GRM5: variants seen among roughly 807,000 people sequenced by gnomAD.
GRM5 encodes glutamate metabotropic receptor 5.
Under a neutral mutation model 83.1 loss-of-function variants are expected in GRM5, and 19 were observed. That is an observed-to-expected ratio of 0.23 (90% CI 0.16 to 0.34). The LOEUF is 0.34. Ranked by LOEUF, GRM5 falls within the 10% of genes least tolerant of loss-of-function variation. The pLI is 1.00. For synonymous variants in GRM5, 675 were observed against 633.6 expected, an observed-to-expected ratio of 1.07 and a Z score of -0.98; for missense variants, 1,160 against 1,588.3, an observed-to-expected ratio of 0.73 and a Z score of 4.58.
At position 89,040,015 on chromosome 11, in the gene GRM5, G is replaced by T. The variant is rs566478879; in HGVS notation, c.661+7197C>A. ...TGTAGAGATAGAGCCTTATTATGTT[G>T]CCCACCCTATGTCCAACATTTAATG... On this transcript the variant is annotated intron_variant, in intron 2 of 9. Transcript: ENST00000305447. Among the ~76,000 whole-genome samples the T allele has an allele frequency of 1.1e-3, 169 of 150,820 alleles. 1 individual carries two copies. Among genetic ancestry groups the T allele is most frequent in the African/African-American group, 4.0e-3 (163 of 41,110 alleles).
At position 88,677,380 on chromosome 11, in the gene GRM5, G is replaced by A. The variant is rs554346399; in HGVS notation, c.912-23977C>T. On this transcript the variant is annotated intron_variant, in intron 3 of 9. Coordinates refer to ENST00000305447, the MANE Select transcript of GRM5 (RefSeq NM_001143831.3). ...TTAGTTATTAGTTTAGGTAACCTTA[G>A]TCAAGCTGTTTAGCACTTAGATTTC... Among the ~76,000 whole-genome samples, 129 of 152,184 alleles carry A rather than the reference G, an allele frequency of 8.5e-4. 4 individuals are homozygous for A. In the East Asian group the frequency reaches 0.018, roughly 21 times the overall value.
intron 3 of GRM5, among the ~76,000 whole-genome samples, chr11:88,763,882 A>G (rs1942577515): frequency 6.6e-6 from 1 of 151,816 alleles, no homozygotes; most frequent in Non-Finnish European, 1.5e-5. Context: ...CTTATCATTT[A>G]TTGCCTTAAA....
At chr11:88,814,102 A>T (rs1309622582) in intron 3 of GRM5, among the ~76,000 whole-genome samples, 3 of 152,228 alleles carry the variant, frequency 2.0e-5, no homozygotes, top group Admixed American at 1.3e-4. Context: ...ATACCATCCT[A>T]TGTGAAACAA....
rs572269647 is a variant in GRM5 at position 88,728,254 on chromosome 11, C to T, written c.912-74851G>A. On this transcript the variant is annotated intron_variant, in intron 3 of 9. Coordinates refer to ENST00000305447, the MANE Select transcript of GRM5 (RefSeq NM_001143831.3). Reference sequence around the variant, plus strand: ...AGAGAATACTATAAACACCTCTACACAAATAAACTAGAAAATCTAGAAGAA... The same window carrying T: ...AGAGAATACTATAAACACCTCTACATAAATAAACTAGAAAATCTAGAAGAA... Among the ~76,000 whole-genome samples, 12 of 152,180 alleles carry T rather than the reference C, an allele frequency of 7.9e-5. No individual in the cohort carries two copies. The South Asian group carries it at 8.3e-4, about 11-fold the overall frequency.
chr11:89,016,881 T>C (rs1428979810), intron 2 of GRM5, among the ~76,000 whole-genome samples: 2 of 152,154 alleles, frequency 1.3e-5, no homozygotes, highest in Non-Finnish European at 2.9e-5. Flanking sequence ...AACTGGATAA[T>C]AGCCATCTGC....
At position 88,509,012 on chromosome 11, in the gene GRM5, G is replaced by A. The variant is rs200126528; in HGVS notation, c.3219C>T (p.Ser1073=). The change falls in exon 10 of 10, where the codon AGC becomes AGT. Residue 1073 remains serine (S), a synonymous_variant. Transcript: ENST00000305447. ...TGGACAGCATCATGGAGTTGAGCTC[G>A]CTGATGTTGGCCGTGAAGCGGGTGA... ...SVVTRFTANI[S]ELNSMMLSTA... 7.6e-6 allele frequency: 12 copies of A among 1,573,176 alleles called. No individual in the cohort carries two copies. Among genetic ancestry groups the A allele is most frequent in the Admixed American group, 1.9e-5 (1 of 53,672 alleles).
intron 3 of GRM5, among the ~76,000 whole-genome samples, chr11:88,767,946 T>C (rs1476274311): frequency 1.3e-5 from 2 of 151,866 alleles, no homozygotes; most frequent in African/African-American, 2.4e-5. Flanking sequence ...TAATAACAAG[T>C]GTTGGTAAGA....
At chr11:89,060,264 T>C (rs1239375902) in intron 1 of GRM5, among the ~76,000 whole-genome samples, 5 of 100,962 alleles carry the variant, frequency 5.0e-5, no homozygotes, top group Non-Finnish European at 9.7e-5. Flanking sequence ...ATATGGTAAA[T>C]GGTATATATA....
intron 7 of GRM5, among the ~76,000 whole-genome samples, chr11:88,589,166 T>C (rs1937600230): frequency 1.3e-5 from 2 of 152,096 alleles, no homozygotes; most frequent in East Asian, 1.9e-4. Flanking sequence ...AAAGAAAAGA[T>C]AGGAATACTG....
intron 2 of GRM5, among the ~76,000 whole-genome samples, chr11:89,000,053 A>C (rs181747660): frequency 0.021 from 3,150 of 152,190 alleles, 108 homozygotes; most frequent in African/African-American, 0.073. Flanking sequence ...ACACATGGAC[A>C]CAGGAAGGGG....
chr11:88,886,973 C>T (rs1256919609), intron 2 of GRM5, among the ~76,000 whole-genome samples: 1 of 152,136 alleles, frequency 6.6e-6, no homozygotes, highest in Non-Finnish European at 1.5e-5. Flanking sequence ...AAGCACATGA[C>T]ATTTCAAGGC....
intron 5 of GRM5, among the ~76,000 whole-genome samples, chr11:88,600,329 C>T (rs942680959): frequency 6.9e-6 from 1 of 145,704 alleles, no homozygotes; most frequent in Non-Finnish European, 1.5e-5. Context: ...CCTCACCCTC[C>T]CCTGGCCTTT....
chr11:88,790,690 G>C (rs995921120), intron 3 of GRM5, among the ~76,000 whole-genome samples: 3 of 152,160 alleles, frequency 2.0e-5, no homozygotes, highest in African/African-American at 7.2e-5. Context: ...TACAAATCAG[G>C]AATAAGGACA....
Position 88,552,212 on chromosome 11 carries a change from C to T in GRM5, c.2630+14841G>A, listed in dbSNP as rs146955660. On this transcript the variant is annotated intron_variant, in intron 8 of 9. Coordinates refer to ENST00000305447, the MANE Select transcript of GRM5 (RefSeq NM_001143831.3). The stretch of plus-strand genomic sequence containing the variant: ...GCTATTTTGTTTAATTTTTTTGTAG[C>T]GATGGGGTCTTGCTATGTCATCCAG... Among the ~76,000 whole-genome samples, 5 of 151,798 alleles carry T rather than the reference C, an allele frequency of 3.3e-5. 1 individual carries two copies. Among genetic ancestry groups the T allele is most frequent in the Non-Finnish European group, 4.4e-5 (3 of 67,914 alleles).
chr11:89,058,527 A>G (rs1217251212), intron 1 of GRM5, among the ~76,000 whole-genome samples: 2 of 152,220 alleles, frequency 1.3e-5, no homozygotes, highest in African/African-American at 2.4e-5. Flanking sequence ...AGCATACCTA[A>G]GAGCCAATCA....
In GRM5 at chr11:88,605,059, T is replaced by C. The variant is rs139401687; in HGVS notation, c.1148-95A>G. 8.5e-6 allele frequency: 8 copies of C among 943,716 alleles called. No homozygotes were observed. In the South Asian group the frequency reaches 1.0e-4, roughly 12 times the overall value. The allele number at this position is 943,716 out of a possible 1,614,324, so 58.5% of individuals were successfully genotyped here. A position where few individuals can be genotyped will look rare whatever the true frequency, so the allele number is the denominator to read the frequency against. ...TAATGGGTTACCTGTAATTAGAGAA[T>C]GCACTGGAGCAATTTTATCAGAGTT... On this transcript the variant is annotated intron_variant, in intron 4 of 9. Coordinates refer to ENST00000305447, the MANE Select transcript of GRM5 (RefSeq NM_001143831.3).
At chr11:88,744,650 T>C (rs1262388864) in intron 3 of GRM5, among the ~76,000 whole-genome samples, 1 of 152,096 alleles carries the variant, frequency 6.6e-6, no homozygotes, top group Non-Finnish European at 1.5e-5. Context: ...GCAGAAATGG[T>C]AGGGCGTGTC....
chr11:88,541,191 C>G (rs1942257553), intron 8 of GRM5, among the ~76,000 whole-genome samples: 1 of 152,158 alleles, frequency 6.6e-6, no homozygotes, highest in African/African-American at 2.4e-5. Flanking sequence ...AAGCAGATTT[C>G]CACACTGCCG....
At chr11:89,003,133 G>T (rs1402685517) in intron 2 of GRM5, among the ~76,000 whole-genome samples, 2 of 152,088 alleles carry the variant, frequency 1.3e-5, no homozygotes, top group African/African-American at 4.8e-5. Flanking sequence ...ACAAACACTT[G>T]CTTACTATTT....
Sources: allele counts gnomAD v4.1 joint callset (sites outside exome capture counted in the v4.1 genomes callset), GRCh38; gene constraint gnomAD v4.1.1; transcripts MANE v1.5; gene names NCBI Gene and HGNC (gene_info 2026-07-23, HGNC 2026-07-21).